Variants in ZFPM2 observed in about 807,000 individuals in gnomAD.
ZFPM2 encodes the protein zinc finger protein ZFPM2.
Under a neutral mutation model 98.6 loss-of-function variants are expected in ZFPM2, and 20 were observed. The observed-to-expected ratio is 0.20, with a 90% CI of 0.14 to 0.29. The LOEUF is 0.29. Ranked by LOEUF, ZFPM2 falls within the 10% of genes least tolerant of loss-of-function variation. ZFPM2 has a pLI of 1.00. For missense variants in ZFPM2, 1,310 were observed against 1,388.6 expected (o/e 0.94, Z 0.90); for synonymous variants, 518 against 502.7 (o/e 1.03, Z -0.41).
chr8:105,395,905 G>A (rs1002524136), intron 1 of ZFPM2, among the ~76,000 whole-genome samples: 1 of 152,124 alleles, frequency 6.6e-6, no homozygotes, highest in Non-Finnish European at 1.5e-5. Flanking sequence ...GTAGGCACGA[G>A]CCAGTCATTG....
intron 4 of ZFPM2, among the ~76,000 whole-genome samples, chr8:105,577,903 T>A (rs928818802): frequency 6.6e-6 from 1 of 152,086 alleles, no homozygotes; most frequent in African/African-American, 2.4e-5. Context: ...TTGAGAACTG[T>A]CTGTAACCTT....
intron 5 of ZFPM2, among the ~76,000 whole-genome samples, chr8:105,751,239 A>C (rs546924131): frequency 3.4e-4 from 52 of 152,272 alleles, no homozygotes; most frequent in Non-Finnish European, 5.6e-4. Context: ...AAAATGGATT[A>C]CAAGAGACTG....
intron 1 of ZFPM2, among the ~76,000 whole-genome samples, chr8:105,379,621 C>T (rs1056180035): frequency 1.3e-5 from 2 of 151,826 alleles, no homozygotes; most frequent in Admixed American, 6.6e-5. Flanking sequence ...GGCGGGGTGG[C>T]GGATACCTGT....
At chr8:105,770,351 G>A (rs1226649743) in intron 5 of ZFPM2, among the ~76,000 whole-genome samples, 1 of 151,990 alleles carries the variant, frequency 6.6e-6, no homozygotes, top group Non-Finnish European at 1.5e-5. Context: ...CCCAGAGTGT[G>A]GGTCTTTGAA....
intron 4 of ZFPM2, among the ~76,000 whole-genome samples, chr8:105,610,085 G>A (rs1816278293): frequency 6.6e-6 from 1 of 152,140 alleles, no homozygotes; most frequent in Non-Finnish European, 1.5e-5. Context: ...AAAAAGGAGA[G>A]ATAAGTTCAG....
chr8:105,707,471 C>T (rs1262975608), intron 5 of ZFPM2, among the ~76,000 whole-genome samples: 1 of 152,138 alleles, frequency 6.6e-6, no homozygotes, highest in Non-Finnish European at 1.5e-5. Context: ...TGATGTACCT[C>T]ATTTAACATG....
At chr8:105,447,215 TA>T (rs1315038706) in intron 3 of ZFPM2, among the ~76,000 whole-genome samples, 5 of 151,188 alleles carry the variant, frequency 3.3e-5, no homozygotes. Flanking sequence ...TAAAAATTAA[TA>T]AAAAAATAAA....
chr8:105,506,163 G>A (rs558475980), intron 3 of ZFPM2, among the ~76,000 whole-genome samples: 17 of 152,268 alleles, frequency 1.1e-4, no homozygotes, highest in South Asian at 4.1e-4. Flanking sequence ...GGAGCAGCAA[G>A]CAGTGAGCAC....
chr8:105,694,413 C>G (rs1810969002), intron 5 of ZFPM2, among the ~76,000 whole-genome samples: 1 of 152,094 alleles, frequency 6.6e-6, no homozygotes, highest in Non-Finnish European at 1.5e-5. Context: ...AAAGTCTCTA[C>G]TTCCTAATAA....
At chr8:105,346,308 C>T (rs1563614089) in intron 1 of ZFPM2, among the ~76,000 whole-genome samples, 4 of 151,208 alleles carry the variant, frequency 2.6e-5, no homozygotes, top group Non-Finnish European at 1.5e-5. Flanking sequence ...CGCTTGAACC[C>T]GGGAGGCGGA....
At chr8:105,526,931 C>T (rs1221369078) in intron 3 of ZFPM2, among the ~76,000 whole-genome samples, 2 of 152,098 alleles carry the variant, frequency 1.3e-5, no homozygotes, top group Non-Finnish European at 2.9e-5. Flanking sequence ...CATTTACCAT[C>T]TGTGAGACCT....
chr8:105,677,880 T>C (rs1417490775), intron 5 of ZFPM2, among the ~76,000 whole-genome samples: 1 of 152,198 alleles, frequency 6.6e-6, no homozygotes, highest in African/African-American at 2.4e-5. Context: ...TTTGAGGTAT[T>C]TTCTTTTTGT....
intron 1 of ZFPM2, among the ~76,000 whole-genome samples, chr8:105,388,767 C>T (rs1008170939): frequency 6.6e-6 from 1 of 152,194 alleles, no homozygotes; most frequent in Non-Finnish European, 1.5e-5. Context: ...GGGAAGTTAA[C>T]AGCTTCCTGC....
intron 4 of ZFPM2, among the ~76,000 whole-genome samples, chr8:105,588,718 G>T (rs1037853081): frequency 3.3e-5 from 5 of 152,148 alleles, no homozygotes; most frequent in African/African-American, 1.2e-4. Context: ...CCTTCCATTA[G>T]GTATTTGTTT....
intron 4 of ZFPM2, among the ~76,000 whole-genome samples, chr8:105,620,446 G>A (rs1816514822): frequency 6.6e-6 from 1 of 152,058 alleles, no homozygotes; most frequent in Non-Finnish European, 1.5e-5. Flanking sequence ...TTTGTCAGTT[G>A]GGCAGATTGT....
intron 2 of ZFPM2, among the ~76,000 whole-genome samples, chr8:105,424,935 T>C (rs1271190944): frequency 6.6e-6 from 1 of 152,098 alleles, no homozygotes; most frequent in Non-Finnish European, 1.5e-5. Flanking sequence ...CAGGCAAAGT[T>C]GGTAGAGTGT....
At chr8:105,423,484 T>A (rs1405083767) in intron 2 of ZFPM2, among the ~76,000 whole-genome samples, 1 of 152,224 alleles carries the variant, frequency 6.6e-6, no homozygotes, top group Non-Finnish European at 1.5e-5. Flanking sequence ...ATCTTTTGTT[T>A]ATGAGTTTAG....
intron 5 of ZFPM2, among the ~76,000 whole-genome samples, chr8:105,683,418 A>AT (rs1346960322): frequency 6.6e-6 from 1 of 152,186 alleles, no homozygotes; most frequent in Non-Finnish European, 1.5e-5. Context: ...ATCAAGACAA[A>AT]TTTTTTTGGG....
At chr8:105,464,293 T>C (rs1182192218) in intron 3 of ZFPM2, among the ~76,000 whole-genome samples, 1 of 152,094 alleles carries the variant, frequency 6.6e-6, no homozygotes, top group Non-Finnish European at 1.5e-5. Flanking sequence ...TTATATGCTT[T>C]TACAGAAATT....
Sources: gnomAD v4.1 joint callset for allele counts (sites outside exome capture counted in the v4.1 genomes callset) on GRCh38, gnomAD v4.1.1 for gene constraint, MANE v1.5 for transcripts, NCBI Gene and HGNC (gene_info 2026-07-23, HGNC 2026-07-21) for gene names.